The following NPEPPS variants were observed in gnomAD, a reference collection of about 807,000 sequenced individuals.
NPEPPS encodes the protein puromycin-sensitive aminopeptidase.
Under a neutral mutation model 115.5 loss-of-function variants are expected in NPEPPS, and 14 were observed. That is an observed-to-expected ratio of 0.12 (90% CI 0.08 to 0.19). NPEPPS has a LOEUF of 0.19. Ranked by LOEUF, NPEPPS falls within the 10% of genes least tolerant of loss-of-function variation. The pLI is 1.00. For missense variants in NPEPPS, 523 were observed against 1,110.8 expected, an observed-to-expected ratio of 0.47 and a Z score of 7.52; for synonymous variants, 285 against 390.6, an observed-to-expected ratio of 0.73 and a Z score of 3.19.
chr17:47,573,023 A>G (rs1332158364), intron 3 of NPEPPS, among the ~76,000 whole-genome samples: 1 of 152,154 alleles, frequency 6.6e-6, no homozygotes, highest in Non-Finnish European at 1.5e-5. Flanking sequence ...TGATCTGCCC[A>G]CTTCGGCCTC....
At chr17:47,555,836 G>A (rs1243232080) in intron 2 of NPEPPS, among the ~76,000 whole-genome samples, 1 of 151,882 alleles carries the variant, frequency 6.6e-6, no homozygotes, top group Non-Finnish European at 1.5e-5. Context: ...AAGGGCCAAG[G>A]GAATTATTAT....
In NPEPPS at chr17:47,585,844, A is replaced by G. The variant is rs1485122913; in HGVS notation, c.849+144A>G. 4.2e-6 allele frequency: 3 copies of G among 713,822 alleles called. No individual in the cohort carries two copies. In the East Asian group the frequency reaches 7.8e-5, roughly 19 times the overall value. The allele number at this position is 713,822 out of a possible 1,614,324, so 44.2% of individuals were successfully genotyped here. On this transcript the variant is annotated intron_variant, in intron 6 of 22. Coordinates refer to ENST00000322157, the MANE Select transcript of NPEPPS (RefSeq NM_006310.4). Reference sequence around the variant, plus strand: ...GTTTATTTTTAGTAGAATTTAGGAAATGCCAACCTTGGTGTTTCATTATTT... The same window carrying G: ...GTTTATTTTTAGTAGAATTTAGGAAGTGCCAACCTTGGTGTTTCATTATTT...
At chr17:47,534,972 C>A (rs1194113929) in intron 1 of NPEPPS, among the ~76,000 whole-genome samples, 2 of 151,750 alleles carry the variant, frequency 1.3e-5, no homozygotes, top group African/African-American at 4.8e-5. Context: ...TGGCCGGGCA[C>A]GGTGGCTCAC....
intron 15 of NPEPPS, chr17:47,602,021 G>T (rs1250251286): frequency 6.2e-5 from 21 of 337,680 alleles, no homozygotes; most frequent in Non-Finnish European, 1.1e-5. Flanking sequence ...ACCAAAATAT[G>T]TGTAGTCTCA....
Position 47,596,358 on chromosome 17 carries a change from C to T in NPEPPS, c.1432C>T (p.Leu478Phe), listed in dbSNP as rs755227467. 1 of 1,554,954 alleles carries T rather than the reference C, an allele frequency of 6.4e-7. No homozygotes were observed. The highest frequency in any genetic ancestry group is 1.2e-5 in the South Asian group (1 of 82,864). ...TATCATTGTTTATCTTCTAGAGGATCTCTGGGAAAGTTTAGAAAATGCTAG... is the reference window on the plus strand; with the variant it reads ...TATCATTGTTTATCTTCTAGAGGATTTCTGGGAAAGTTTAGAAAATGCTAG... ...FQQKNAATEDLWESLENASGK... is the reference protein window; with the variant it reads ...FQQKNAATEDFWESLENASGK... Residue 478 changes from leucine (L) to phenylalanine (F), a missense_variant, in exon 13 of 23, where the codon CTC becomes TTC. Coordinates refer to ENST00000322157, the MANE Select transcript of NPEPPS (RefSeq NM_006310.4).
intron 4 of NPEPPS, chr17:47,580,194 G>A (rs1397465244): frequency 1.3e-5 from 2 of 151,686 alleles, no homozygotes; most frequent in Non-Finnish European, 2.9e-5. Context: ...TGCTTGTTTG[G>A]GATAACCTAA....
At chr17:47,544,991 C>T (rs1395403952) in intron 1 of NPEPPS, among the ~76,000 whole-genome samples, 19 of 149,564 alleles carry the variant, frequency 1.3e-4, no homozygotes, top group South Asian at 4.3e-4. Flanking sequence ...AGGTGTGAGC[C>T]GATGCCCCCA....
intron 17 of NPEPPS, among the ~76,000 whole-genome samples, chr17:47,606,891 G>T (rs1426545425): frequency 6.6e-6 from 1 of 152,034 alleles, no homozygotes; most frequent in East Asian, 1.9e-4. Flanking sequence ...GTGGCAGGAA[G>T]TATCATTAAG....
chr17:47,552,418 C>A (rs1909717381), intron 2 of NPEPPS, among the ~76,000 whole-genome samples: 1 of 152,136 alleles, frequency 6.6e-6, no homozygotes, highest in East Asian at 1.9e-4. Flanking sequence ...AGTTAGCCAG[C>A]CCCTTTATTC....
intron 1 of NPEPPS, among the ~76,000 whole-genome samples, chr17:47,534,114 T>C (rs1301355143): frequency 1.3e-5 from 2 of 152,014 alleles, no homozygotes; most frequent in African/African-American, 4.8e-5. Flanking sequence ...TTTTTTGAGA[T>C]GGAGTCTCGC....
At chr17:47,595,585 G>C (rs1912812134) in intron 12 of NPEPPS, among the ~76,000 whole-genome samples, 1 of 152,220 alleles carries the variant, frequency 6.6e-6, no homozygotes, top group African/African-American at 2.4e-5. Flanking sequence ...ACTCACACCT[G>C]TAATTCCAGC....
rs1315848220 is a variant in NPEPPS, at chr17:47,586,153, T to C, written c.855T>C (p.Ala285=). 1.2e-5 allele frequency: 10 copies of C among 849,834 alleles called. No individual in the cohort carries two copies. The highest frequency in any genetic ancestry group is 3.7e-5 in the South Asian group (1 of 27,050). 52.6% of individuals were successfully genotyped at this position (849,834 alleles called of 1,614,324 possible). ...AEQGKFALEV[A]AKTLPFYKDY... is the part of the protein sequence containing the mutation. ...TTTTGTTTATACTTTTATAGGTTGC[T>C]GCTAAAACCTTGCCTTTTTATAAGG... Residue 285 remains alanine, a synonymous_variant, in exon 7 of 23, where the codon GCT becomes GCC. Coordinates refer to ENST00000322157, the MANE Select transcript of NPEPPS (RefSeq NM_006310.4).
intron 3 of NPEPPS, among the ~76,000 whole-genome samples, chr17:47,571,808 C>G (rs1385221662): frequency 6.6e-6 from 1 of 152,184 alleles, no homozygotes; most frequent in Non-Finnish European, 1.5e-5. Flanking sequence ...GAAGGAGATT[C>G]TTCTGCTGCA....
chr17:47,600,803 T>G (rs1235244912), intron 14 of NPEPPS, among the ~76,000 whole-genome samples: 1 of 152,178 alleles, frequency 6.6e-6, no homozygotes, highest in Non-Finnish European at 1.5e-5. Context: ...TAGATATGAC[T>G]CCTCTGTGAC....
chr17:47,616,470 G>A (rs1914206910), intron 19 of NPEPPS, among the ~76,000 whole-genome samples: 1 of 152,052 alleles, frequency 6.6e-6, no homozygotes, highest in Non-Finnish European at 1.5e-5. Flanking sequence ...TGGATCACAA[G>A]GTCAGGAGTT....
chr17:47,535,185 G>A (rs943827852), intron 1 of NPEPPS, among the ~76,000 whole-genome samples: 3 of 140,688 alleles, frequency 2.1e-5, no homozygotes, highest in Admixed American at 1.5e-4. Context: ...GGAGCTTGCA[G>A]TGAGCTGAGA....
Position 47,613,715 on chromosome 17 carries a change from T to C in NPEPPS, c.2285T>C (p.Ile762Thr), listed in dbSNP as rs760060357. Residue 762 changes from isoleucine (I) to threonine (T), a missense_variant, in exon 19 of 23, where the codon ATT (isoleucine) becomes ACT (threonine). Around this residue, in one of 4 missense-constraint regions of NPEPPS, gnomAD observed 372 missense variants for 542.6 expected, o/e 0.69. Coordinates refer to ENST00000322157, the MANE Select transcript of NPEPPS (RefSeq NM_006310.4). The part of the protein sequence containing the change: ...LKHGDGTTLD[I>T]MLKLHKQADM... ...CATGGTGATGGCACTACTTTAGATA[T>C]TATGTTAAAAGTAAGTATATTTGAG... 1.3e-5 allele frequency: 21 copies of C among 1,610,482 alleles called. No homozygotes were observed. The highest frequency in any genetic ancestry group is 1.6e-5 in the Non-Finnish European group (19 of 1,178,722).
chr17:47,549,366 G>A (rs1183162421), intron 2 of NPEPPS, among the ~76,000 whole-genome samples: 6 of 151,934 alleles, frequency 3.9e-5, no homozygotes, highest in Non-Finnish European at 8.8e-5. Flanking sequence ...TTCAGAACTA[G>A]CTAAGGTACA....
At chr17:47,544,441 T>C (rs887101024) in intron 1 of NPEPPS, among the ~76,000 whole-genome samples, 14 of 152,284 alleles carry the variant, frequency 9.2e-5, no homozygotes, top group Middle Eastern at 3.4e-3. Flanking sequence ...GGTTAAAATA[T>C]ATAATTATTG....
Sources: gnomAD v4.1 joint callset for allele counts (sites outside exome capture counted in the v4.1 genomes callset) on GRCh38, gnomAD v4.1.1 for gene constraint, gnomAD v4.1.1 regional missense constraint, MANE v1.5 for transcripts, NCBI Gene and HGNC (gene_info 2026-07-23, HGNC 2026-07-21) for gene names.